The following LGR6 variants were observed in gnomAD, a reference collection of about 807,000 sequenced individuals.
LGR6 encodes leucine-rich repeat-containing G protein-coupled receptor 6.
Under a neutral mutation model 69.4 loss-of-function variants are expected in LGR6, and 45 were observed. That is an observed-to-expected ratio of 0.65 (90% CI 0.51 to 0.83). The LOEUF is 0.83. Ranked by LOEUF, LGR6 falls within the 40% of genes least tolerant of loss-of-function variation. The pLI, the probability that LGR6 is intolerant of heterozygous loss-of-function variation, is 0.00. For missense variants in LGR6, 1,108 were observed against 1,246.7 expected, an observed-to-expected ratio of 0.89 and a Z score of 1.68; for synonymous variants, 538 against 555.0, an observed-to-expected ratio of 0.97 and a Z score of 0.43.
intron 4 of LGR6, among the ~76,000 whole-genome samples, chr1:202,250,344 A>G (rs880766): frequency 0.61 from 92,425 of 151,844 alleles, 29,532 homozygotes; most frequent in East Asian, 0.83. Context: ...GAGTTCTACA[A>G]GGTTGGAGAC....
At chr1:202,277,106 A>G (rs975123341) in intron 5 of LGR6, among the ~76,000 whole-genome samples, 2 of 152,210 alleles carry the variant, frequency 1.3e-5, no homozygotes, top group African/African-American at 2.4e-5. Flanking sequence ...GCTAATTGCT[A>G]TGAATGATTG....
At chr1:202,290,610 C>G (rs776676513) in intron 6 of LGR6, among the ~76,000 whole-genome samples, 1 of 152,210 alleles carries the variant, frequency 6.6e-6, no homozygotes, top group Non-Finnish European at 1.5e-5. Context: ...CGGTGGCTCA[C>G]GCCTGTAATC....
At chr1:202,302,198 G>A (rs566168157) in intron 9 of LGR6, among the ~76,000 whole-genome samples, 2 of 152,102 alleles carry the variant, frequency 1.3e-5, no homozygotes, top group Non-Finnish European at 1.5e-5. Context: ...CTACTGTGGC[G>A]TCACAGTAAC....
chr1:202,215,633 A>T (rs4950834), intron 1 of LGR6, among the ~76,000 whole-genome samples: 12,187 of 152,174 alleles, frequency 0.08, 650 homozygotes, highest in African/African-American at 0.13. Context: ...CATGTGCAGG[A>T]TTCATTCCAT....
chr1:202,297,012 A>G (rs1215429847), intron 6 of LGR6, among the ~76,000 whole-genome samples: 2 of 152,158 alleles, frequency 1.3e-5, no homozygotes, highest in Non-Finnish European at 2.9e-5. Flanking sequence ...AGTGTAAGAG[A>G]AAATAGCTGT....
At chr1:202,254,315 C>A (rs920184739) in intron 4 of LGR6, among the ~76,000 whole-genome samples, 2 of 152,180 alleles carry the variant, frequency 1.3e-5, no homozygotes, top group Non-Finnish European at 2.9e-5. Context: ...AGGGTGGGAG[C>A]CTGAGGCAGG....
intron 1 of LGR6, among the ~76,000 whole-genome samples, chr1:202,207,512 G>C (rs1468155960): frequency 6.6e-6 from 1 of 152,160 alleles, no homozygotes; most frequent in Non-Finnish European, 1.5e-5. Context: ...GCAGTTGTCA[G>C]GCTCTGGCAG....
At chr1:202,278,235 G>A (rs572861488) in intron 5 of LGR6, among the ~76,000 whole-genome samples, 1 of 152,156 alleles carries the variant, frequency 6.6e-6, no homozygotes, top group Non-Finnish European at 1.5e-5. Context: ...AGTTTAAGGA[G>A]GTGGCAGAAG....
At chr1:202,287,365 T>C (rs1408403152) in intron 6 of LGR6, among the ~76,000 whole-genome samples, 1 of 152,174 alleles carries the variant, frequency 6.6e-6, no homozygotes, top group African/African-American at 2.4e-5. Context: ...GTTACCAGCA[T>C]TTCTGACCTC....
At chr1:202,258,268 T>A (rs1008474987) in intron 4 of LGR6, among the ~76,000 whole-genome samples, 3 of 152,068 alleles carry the variant, frequency 2.0e-5, no homozygotes, top group South Asian at 4.1e-4. Context: ...CATTTTTCTC[T>A]TATATTTTGC....
At chr1:202,292,061 A>AG (rs1558067643) in intron 6 of LGR6, among the ~76,000 whole-genome samples, 2 of 152,136 alleles carry the variant, frequency 1.3e-5, no homozygotes. Context: ...TGAGGGCATG[A>AG]GGGGCGCAAG....
intron 4 of LGR6, among the ~76,000 whole-genome samples, chr1:202,254,914 AAG>A (rs1169694601): frequency 2.1e-5 from 3 of 141,984 alleles, no homozygotes; most frequent in African/African-American, 7.6e-5. Context: ...AAAAAAAAAA[AAG>A]GAAAGAGAAA....
In LGR6 at chr1:202,319,076, T is replaced by C. The variant is rs771569946; in HGVS notation, c.2773T>C (p.Phe925Leu). ...TTGTGTAGAGCCAGAGGGGAACCAC[T>C]TTGGGAACCCCCAACCCTCCATGGA... ...SHCVEPEGNH[F>L]GNPQPSMDGE... The change falls in exon 18 of 18, where the codon TTT becomes CTT. Residue 925 changes from phenylalanine to leucine, a missense_variant. Physicochemically the swap from Phe to Leu is conservative, Grantham distance 22. Transcript: ENST00000367278. The C allele has an allele frequency of 7.4e-6, 12 of 1,613,904 alleles. No individual in the cohort carries two copies. The highest frequency in any genetic ancestry group is 8.5e-7 in the Non-Finnish European group (1 of 1,179,978).
chr1:202,311,795 A>G (rs542418032), intron 16 of LGR6, among the ~76,000 whole-genome samples: 1 of 152,342 alleles, frequency 6.6e-6, no homozygotes, highest in South Asian at 2.1e-4. Flanking sequence ...CTTCTGGTGT[A>G]CATGTATAGG....
intron 6 of LGR6, among the ~76,000 whole-genome samples, chr1:202,283,597 C>G (rs1403369382): frequency 6.6e-6 from 1 of 152,228 alleles, no homozygotes; most frequent in East Asian, 1.9e-4. Flanking sequence ...TTTGGCTCCT[C>G]TGCAGACTCC....
intron 7 of LGR6, among the ~76,000 whole-genome samples, chr1:202,299,279 AG>A (rs1667401680): frequency 6.6e-6 from 1 of 151,058 alleles, no homozygotes; most frequent in African/African-American, 2.4e-5. Context: ...AAAAAAAAAA[AG>A]TCTGAGTGAG....
At chr1:202,311,073 C>A (rs1406944972) in intron 16 of LGR6, among the ~76,000 whole-genome samples, 1 of 151,892 alleles carries the variant, frequency 6.6e-6, no homozygotes, top group Non-Finnish European at 1.5e-5. Context: ...ATACCAAGGG[C>A]AGATAAAAGG....
chr1:202,207,645 G>A lies in LGR6; in HGVS notation c.212+13444G>A, dbSNP rs74969745. ...AGAGTGGGTAAGTGCACAAACCCCAGAGCCACTCCACCTAAGTTCAGATTC... is the reference window on the plus strand; with the variant it reads ...AGAGTGGGTAAGTGCACAAACCCCAAAGCCACTCCACCTAAGTTCAGATTC... On this transcript the variant is annotated intron_variant, in intron 1 of 17. Coordinates refer to ENST00000367278, the MANE Select transcript of LGR6 (RefSeq NM_001017403.2). 3.9e-4 allele frequency among the ~76,000 whole-genome samples: 59 copies of A among 152,280 alleles called. No homozygotes were observed. In the East Asian group the frequency reaches 8.9e-3, roughly 23 times the overall value.
chr1:202,314,555 T>C (rs886630012), intron 16 of LGR6, among the ~76,000 whole-genome samples: 2 of 152,118 alleles, frequency 1.3e-5, no homozygotes, highest in Non-Finnish European at 1.5e-5. Flanking sequence ...CCCTGACTAA[T>C]AGAAAGAGAA....
Sources: allele counts gnomAD v4.1 joint callset (sites outside exome capture counted in the v4.1 genomes callset), GRCh38; gene constraint gnomAD v4.1.1; transcripts MANE v1.5; gene names NCBI Gene and HGNC (gene_info 2026-07-23, HGNC 2026-07-21).